D2HGDH: variants seen among roughly 807,000 people sequenced by gnomAD.
D2HGDH encodes D-2-hydroxyglutarate dehydrogenase, also known as D-2-hydroxyglutarate dehydrogenase, mitochondrial.
D2HGDH carries 31 observed loss-of-function variants against 46.9 expected under a neutral mutation model. The observed-to-expected ratio is 0.66, with a 90% CI of 0.50 to 0.89. The LOEUF is 0.89. D2HGDH is among the 40% of genes least tolerant of loss of function. D2HGDH has a pLI of 0.00. For synonymous variants in D2HGDH, 364 were observed against 332.6 expected, an observed-to-expected ratio of 1.09 and a Z score of -1.03; for missense variants, 698 against 720.8, an observed-to-expected ratio of 0.97 and a Z score of 0.36.
chr2:241,754,992 A>G, intron 8 of D2HGDH: 1 of 1,251,096 alleles, frequency 8.0e-7, no homozygotes, highest in Non-Finnish European at 1.0e-6. Flanking sequence ...TGCAGGGGAG[A>G]GGTGGTCCTG....
intron 9 of D2HGDH, among the ~76,000 whole-genome samples, chr2:241,761,296 C>G (rs1175194543): frequency 6.6e-6 from 1 of 151,996 alleles, no homozygotes; most frequent in Non-Finnish European, 1.5e-5. Context: ...CCCAGCAATA[C>G]GGGAGGCCAA....
intron 2 of D2HGDH, among the ~76,000 whole-genome samples, chr2:241,740,224 G>T (rs1172293955): frequency 1.3e-5 from 2 of 152,162 alleles, no homozygotes; most frequent in Non-Finnish European, 2.9e-5. Flanking sequence ...TAACTGATTT[G>T]GTCTAGGATA....
intron 9 of D2HGDH, among the ~76,000 whole-genome samples, chr2:241,759,589 G>A (rs1451075197): frequency 2.0e-5 from 3 of 152,130 alleles, no homozygotes; most frequent in African/African-American, 4.8e-5. Context: ...GGTTTCTTGC[G>A]TACTTGTTTG....
chr2:241,755,167 C>A lies in D2HGDH; in HGVS notation c.1141-682C>A, dbSNP rs148578716. Reference sequence around the variant, plus strand: ...AGCACCGTCTGCTCCTCCTCAGAATCCTTCCTCCCCCGTGGCCCGCCCGCC... The same window carrying A: ...AGCACCGTCTGCTCCTCCTCAGAATACTTCCTCCCCCGTGGCCCGCCCGCC... On this transcript the variant is annotated intron_variant, in intron 8 of 9. Transcript: ENST00000321264. 11,763 of 1,303,730 alleles carry A rather than the reference C, an allele frequency of 9.0e-3. 529 individuals carry two copies. The East Asian group carries it at 0.13, about 15-fold the overall frequency. The allele number at this position is 1,303,730 out of a possible 1,614,324, so 80.8% of individuals were successfully genotyped here.
At chr2:241,758,973 C>T (rs915908056) in intron 9 of D2HGDH, among the ~76,000 whole-genome samples, 1 of 152,124 alleles carries the variant, frequency 6.6e-6, no homozygotes, top group African/African-American at 2.4e-5. Flanking sequence ...CCTTCTTTGA[C>T]CGATGAGTTA....
chr2:241,735,341 C>T lies in D2HGDH; in HGVS notation c.117C>T (p.Ala39=), dbSNP rs1291878042. 7 of 1,552,330 alleles carry T rather than the reference C, an allele frequency of 4.5e-6. No individual in the cohort carries two copies. The highest frequency in any genetic ancestry group is 6.1e-6 in the Non-Finnish European group (7 of 1,153,252). ...TGGCCCGCAGAGGCTGCTGCTCCGC[C>T]CCGGGGACCCCCGAGGTGCCGCTGA... ...GPLARRGCCS[A]PGTPEVPLTR... is the part of the protein sequence containing the mutation. Residue 39 remains alanine, a synonymous_variant, in exon 2 of 10, where the codon GCC becomes GCT. Coordinates refer to ENST00000321264, the MANE Select transcript of D2HGDH (RefSeq NM_152783.5).
rs901038265 is a variant in D2HGDH at position 241,742,758 on chromosome 2, C to T, written c.490+184C>T. On this transcript the variant is annotated intron_variant, in intron 4 of 9. Coordinates refer to ENST00000321264, the MANE Select transcript of D2HGDH (RefSeq NM_152783.5). The surrounding 1 kb of genome is among the most constrained non-coding windows in gnomAD (Gnocchi z 4.8). Reference sequence around the variant, plus strand: ...ACCTCGCCCGGCCCCTCCAGACATGCGTGCTGGTGAGGGCTTGTCATTCTG... The same window carrying T: ...ACCTCGCCCGGCCCCTCCAGACATGTGTGCTGGTGAGGGCTTGTCATTCTG... Among the ~76,000 whole-genome samples, 1 of 152,328 alleles carries T rather than the reference C, an allele frequency of 6.6e-6. No individual in the cohort carries two copies. Among genetic ancestry groups the T allele is most frequent in the Admixed American group, 6.5e-5 (1 of 15,310 alleles).
chr2:241,749,428 G>A (rs2125130293), intron 6 of D2HGDH: 14 of 1,199,790 alleles, frequency 1.2e-5, no homozygotes, highest in South Asian at 1.2e-4. Flanking sequence ...CTGCTGCAGC[G>A]TCTCTGGGGC....
chr2:241,744,884 T>C lies in D2HGDH; in HGVS notation c.853+7T>C, dbSNP rs773270669. On this transcript the variant is annotated splice_region_variant and intron_variant, in intron 6 of 9. Coordinates refer to ENST00000321264, the MANE Select transcript of D2HGDH (RefSeq NM_152783.5). The stretch of plus-strand genomic sequence containing the variant: ...GTGAACGTGGCTTTCCTCGGTGGGC[T>C]TCCTCGATGTGTGCCTTGAGATGGG... 6.2e-7 allele frequency: 1 copy of C among 1,613,982 alleles called. No homozygotes were observed. Among genetic ancestry groups the C allele is most frequent in the South Asian group, 1.1e-5 (1 of 91,068 alleles).
chr2:241,758,738 C>A (rs993515632), intron 9 of D2HGDH, among the ~76,000 whole-genome samples: 1 of 150,906 alleles, frequency 6.6e-6, no homozygotes, highest in Admixed American at 6.6e-5. Context: ...ACAGTGACAT[C>A]TGATCTATAC....
chr2:241,746,995 TCTCA>T (rs764047650), intron 6 of D2HGDH, among the ~76,000 whole-genome samples: 38 of 151,984 alleles, frequency 2.5e-4, no homozygotes, highest in Non-Finnish European at 4.7e-4. Flanking sequence ...AGAGACAAGG[TCTCA>T]CTCTGTTGCC....
Position 241,743,863 on chromosome 2 carries a change from C to T in D2HGDH, c.684+48C>T. On this transcript the variant is annotated intron_variant, in intron 5 of 9. Coordinates refer to ENST00000321264, the MANE Select transcript of D2HGDH (RefSeq NM_152783.5). The surrounding 1 kb of genome is among the most constrained non-coding windows in gnomAD (Gnocchi z 4.8). The stretch of plus-strand genomic sequence containing the variant: ...TGCAGAGGTCGCCACGGGGTGTCCT[C>T]TCACGGCTCTCATGGGCCCACGTGG... 6.5e-7 allele frequency: 1 copy of T among 1,544,988 alleles called. No homozygotes were observed. Among genetic ancestry groups the T allele is most frequent in the Non-Finnish European group, 8.8e-7 (1 of 1,141,640 alleles).
intron 7 of D2HGDH, 132 bp from the exon 8 acceptor site, chr2:241,751,114 G>C: frequency 7.9e-7 from 1 of 1,257,942 alleles, no homozygotes; most frequent in Admixed American, 1.9e-5. Context: ...TGTGTGCTCC[G>C]CAGGCTGCCT....
chr2:241,749,052 A>C (rs1353328558), intron 6 of D2HGDH: 4 of 1,004,096 alleles, frequency 4.0e-6, no homozygotes, highest in African/African-American at 1.7e-5. Context: ...GGCTCGGTCC[A>C]GCTCTCCAGG....
chr2:241,767,803 G>C lies in D2HGDH; in HGVS notation c.1400G>C (p.Gly467Ala), dbSNP rs1010611427. 6.2e-7 allele frequency: 1 copy of C among 1,612,118 alleles called. No individual in the cohort carries two copies. Among genetic ancestry groups the C allele is most frequent in the Non-Finnish European group, 8.5e-7 (1 of 1,179,444 alleles). Residue 467 changes from glycine (G) to alanine (A), a missense_variant, in exon 10 of 10, where the codon GGG (glycine) becomes GCG (alanine). Coordinates refer to ENST00000321264, the MANE Select transcript of D2HGDH (RefSeq NM_152783.5). Reference sequence around the variant, plus strand: ...CCCCACGTGTACGAGTGGACGGCCGGGCAGCAGGGCAGCGTCAGCGCGGAG... The same window carrying C: ...CCCCACGTGTACGAGTGGACGGCCGCGCAGCAGGGCAGCGTCAGCGCGGAG... ...LEPHVYEWTA[G>A]QQGSVSAEHG...
chr2:241,752,566 C>T (rs1021462714), intron 8 of D2HGDH, among the ~76,000 whole-genome samples: 1 of 152,058 alleles, frequency 6.6e-6, no homozygotes, highest in African/African-American at 2.4e-5. Context: ...GCTTCCAGTC[C>T]AGGGGCCCGG....
chr2:241,756,412 C>A (rs975095201), intron 9 of D2HGDH, among the ~76,000 whole-genome samples: 8 of 152,226 alleles, frequency 5.3e-5, no homozygotes, highest in Non-Finnish European at 1.0e-4. Context: ...GCTGCTCTAC[C>A]CCTTCAGATG....
At chr2:241,764,299 C>T (rs1488573831) in intron 9 of D2HGDH, among the ~76,000 whole-genome samples, 2 of 152,182 alleles carry the variant, frequency 1.3e-5, no homozygotes, top group African/African-American at 4.8e-5. Flanking sequence ...CTTTCTAGTT[C>T]CCAGCTGGGA....
intron 2 of D2HGDH, among the ~76,000 whole-genome samples, chr2:241,738,537 C>T (rs1014314402): frequency 6.6e-6 from 1 of 152,112 alleles, no homozygotes; most frequent in Non-Finnish European, 1.5e-5. Context: ...CAAGGGACCT[C>T]CCCGGGGCAT....
Sources: allele counts gnomAD v4.1 joint callset (sites outside exome capture counted in the v4.1 genomes callset), GRCh38; gene constraint gnomAD v4.1.1; non-coding constraint Gnocchi (gnomAD v3.1); transcripts MANE v1.5; gene names NCBI Gene and HGNC (gene_info 2026-07-23, HGNC 2026-07-21).